Variants in SLC25A6 observed in about 807,000 individuals in gnomAD.
The protein encoded by SLC25A6 is solute carrier family 25 member 6, also known as ADP/ATP translocase 3.
Under a neutral mutation model 25.7 loss-of-function variants are expected in SLC25A6, and 9 were observed. The ratio of observed to expected loss-of-function variants is 0.35; its 90% CI spans 0.21 to 0.61. The LOEUF is 0.61. Among genes scored for constraint, SLC25A6 ranks in the 20% least tolerant of loss-of-function variants. The pLI, the probability that SLC25A6 is intolerant of heterozygous loss-of-function variation, is 0.76. For missense variants in SLC25A6, 404 were observed against 440.5 expected (o/e 0.92, Z 0.74); for synonymous variants, 223 against 197.0 (o/e 1.13, Z -1.11).
At position 1,387,419 on chromosome X, in the gene SLC25A6, C is replaced by T. The variant is rs749682632; in HGVS notation, c.599G>A (p.Gly200Asp). 6 of 1,612,438 alleles carry T rather than the reference C, an allele frequency of 3.7e-6. No homozygotes were observed. The South Asian group carries it at 6.6e-5, about 18-fold the overall frequency. ...AYFGVYDTAKGMLPDPKNTHI... is the reference protein window; with the variant it reads ...AYFGVYDTAKDMLPDPKNTHI... Reference sequence around the variant, plus strand: ...CGTGTTCTTGGGGTCGGGGAGCATGCCTGCGCGGGAACGGCACGTCACCGT... The same window carrying T: ...CGTGTTCTTGGGGTCGGGGAGCATGTCTGCGCGGGAACGGCACGTCACCGT... The change falls in exon 3 of 4, where the codon GGC becomes GAC. Residue 200 changes from glycine (G) to aspartate (D), a missense_variant and splice_region_variant. Gly to Asp is a moderately conservative substitution (Grantham distance 94). Coordinates refer to ENST00000381401, the MANE Select transcript of SLC25A6 (RefSeq NM_001636.4).
intron 1 of SLC25A6, among the ~76,000 whole-genome samples, chrX:1,391,082 G>A (rs1411188387): frequency 6.6e-6 from 1 of 152,246 alleles, no homozygotes; most frequent in Non-Finnish European, 1.5e-5. Flanking sequence ...CTGAGCTCAC[G>A]CGATCCTCTC....
chrX:1,391,032 G>C (rs1384601974), intron 1 of SLC25A6, among the ~76,000 whole-genome samples: 6 of 152,198 alleles, frequency 3.9e-5, no homozygotes, highest in Non-Finnish European at 8.8e-5. Flanking sequence ...TTATCTTAGA[G>C]ATGCGGTCTT....
chrX:1,391,192 T>C (rs2089404418), intron 1 of SLC25A6, among the ~76,000 whole-genome samples: 1 of 152,038 alleles, frequency 6.6e-6, no homozygotes, highest in African/African-American at 2.4e-5. Flanking sequence ...CTCAAACTCC[T>C]GGCCTCAAGC....
At chrX:1,386,873 A>G (rs1436310272) in intron 3 of SLC25A6, 114 bp from the exon 4 acceptor site, 5 of 1,271,830 alleles carry the variant, frequency 3.9e-6, no homozygotes, top group Non-Finnish European at 5.5e-6. Flanking sequence ...CCTGAGCCAC[A>G]GTTCTGATTA....
intron 1 of SLC25A6, among the ~76,000 whole-genome samples, chrX:1,390,540 T>C (rs1334933700): frequency 1.3e-5 from 2 of 149,908 alleles, no homozygotes; most frequent in Non-Finnish European, 3.0e-5. Context: ...ATCGTGCCAC[T>C]GCACTCCAGC....
At chrX:1,391,878 C>T (rs1354722051) in intron 1 of SLC25A6, 21 bp downstream of exon 1, 2 of 1,560,220 alleles carry the variant, frequency 1.3e-6, no homozygotes, top group African/African-American at 1.4e-5. Flanking sequence ...GTCCCCGGAG[C>T]GGCCGCGCCC....
rs200188610 is a variant in SLC25A6, at chrX:1,386,580, T to A, written c.*22A>T. 141 of 1,525,248 alleles carry A rather than the reference T, an allele frequency of 9.2e-5. No individual in the cohort carries two copies. Among genetic ancestry groups the A allele is most frequent in the Admixed American group, 1.1e-4 (5 of 46,024 alleles). 94.5% of individuals were successfully genotyped at this position (1,525,248 alleles called of 1,614,324 possible). On this transcript the variant is annotated 3_prime_UTR_variant, in exon 4 of 4. Coordinates refer to ENST00000381401, the MANE Select transcript of SLC25A6 (RefSeq NM_001636.4). ...TCTTGGTTCCCCTGGTGTGTGTGTG[T>A]GTGTGGAGGAGGCCGCGGCCCTTAG...
Position 1,391,879 on chromosome X carries a change from G to A in SLC25A6, c.111+20C>T. ...GTTCCCGTCCCCTAGTCCCCGGAGC[G>A]GCCGCGCCCGCGTCCCCACCTGCAG... On this transcript the variant is annotated intron_variant, in intron 1 of 3. Coordinates refer to ENST00000381401, the MANE Select transcript of SLC25A6 (RefSeq NM_001636.4). The A allele has an allele frequency of 6.4e-7, 1 of 1,567,100 alleles. No individual in the cohort carries two copies. Among genetic ancestry groups the A allele is most frequent in the Non-Finnish European group, 8.7e-7 (1 of 1,155,686 alleles).
intron 3 of SLC25A6, 116 bp from the exon 4 acceptor site, chrX:1,386,875 T>C: frequency 7.9e-7 from 1 of 1,266,082 alleles, no homozygotes; most frequent in Non-Finnish European, 1.1e-6. Flanking sequence ...TGAGCCACAG[T>C]TCTGATTACA....
chrX:1,389,234 C>T lies in SLC25A6; in HGVS notation c.598+7G>A, dbSNP rs1425027977. On this transcript the variant is annotated splice_region_variant and intron_variant, in intron 2 of 3. Transcript: ENST00000381401. ...CTCTGGGACTTCGCGATGGCAGCCA[C>T]ACGTACCCTTGGCCGTATCGTACAC... 1 of 1,608,678 alleles carries T rather than the reference C, an allele frequency of 6.2e-7. No individual in the cohort carries two copies. Among genetic ancestry groups the T allele is most frequent in the Non-Finnish European group, 8.5e-7 (1 of 1,175,796 alleles).
chrX:1,391,420 G>A (rs2089408849), intron 1 of SLC25A6, among the ~76,000 whole-genome samples: 1 of 151,652 alleles, frequency 6.6e-6, no homozygotes, highest in Non-Finnish European at 1.5e-5. Context: ...AATGAGCTAA[G>A]AAGGGGGTAA....
intron 2 of SLC25A6, among the ~76,000 whole-genome samples, chrX:1,387,967 G>C (rs1437899993): frequency 6.6e-5 from 10 of 151,848 alleles, no homozygotes; most frequent in African/African-American, 2.4e-4. Flanking sequence ...AAAAAGAGAG[G>C]CCTCAGAAGG....
rs781456551 is a variant in SLC25A6, at chrX:1,389,699, G to T, written c.140C>A (p.Ala47Asp). The change falls in exon 2 of 4, where the codon GCC (alanine) becomes GAC (aspartate). Residue 47 changes from alanine to aspartate, a missense_variant. Physicochemically the swap from Ala to Asp is moderately radical, Grantham distance 126. Coordinates refer to ENST00000381401, the MANE Select transcript of SLC25A6 (RefSeq NM_001636.4). Reference protein sequence around the residue: ...QVQHASKQIAADKQYKGIVDC... With the variant: ...QVQHASKQIADDKQYKGIVDC... ...CACGATGCCCTTGTACTGCTTGTCG[G>T]CGGCGATCTGCTTGCTGGCGTGCTG... 6.2e-7 allele frequency: 1 copy of T among 1,613,018 alleles called. No homozygotes were observed. Among genetic ancestry groups the T allele is most frequent in the Middle Eastern group, 1.8e-4 (1 of 5,678 alleles).
intron 1 of SLC25A6, among the ~76,000 whole-genome samples, chrX:1,390,510 G>A (rs1197775537): frequency 1.3e-5 from 2 of 151,908 alleles, no homozygotes; most frequent in Non-Finnish European, 2.9e-5. Context: ...CCCAGGAGGC[G>A]GAGGCTACAG....
At chrX:1,390,995 A>G (rs1480356116) in intron 1 of SLC25A6, among the ~76,000 whole-genome samples, 1 of 151,292 alleles carries the variant, frequency 6.6e-6, no homozygotes, top group Non-Finnish European at 1.5e-5. Flanking sequence ...CTCCCGGGAC[A>G]CGCCACCCTG....
At chrX:1,390,190 A>G (rs1362029307) in intron 1 of SLC25A6, 1 of 185,502 alleles carries the variant, frequency 5.4e-6, no homozygotes, top group Non-Finnish European at 1.1e-5. Context: ...TTGAAAAATT[A>G]CTTTTAGAGA....
intron 1 of SLC25A6, 96 bp from the exon 2 acceptor site, chrX:1,389,823 CTT>C: frequency 6.5e-7 from 1 of 1,544,536 alleles, no homozygotes; most frequent in Non-Finnish European, 8.7e-7. Context: ...ACAAGTCACT[CTT>C]GTTGCCCAAG....
intron 1 of SLC25A6, among the ~76,000 whole-genome samples, chrX:1,391,012 G>A (rs1287191847): frequency 2.0e-5 from 3 of 151,774 alleles, no homozygotes; most frequent in Non-Finnish European, 4.4e-5. Flanking sequence ...CCTGTACTAG[G>A]TTTAAAAAAT....
rs182807425 is a variant in SLC25A6, at chrX:1,387,932, A to G, written c.599-513T>C. The stretch of plus-strand genomic sequence containing the variant: ...CGGAGGGATGACCCTGTGAGGACAC[A>G]GGGAGAAGACGGTGTCTACAAGCCA... On this transcript the variant is annotated intron_variant, in intron 2 of 3. Transcript: ENST00000381401. Among the ~76,000 whole-genome samples the G allele has an allele frequency of 2.8e-3, 424 of 152,282 alleles. 3 individuals are homozygous for G. Among genetic ancestry groups the G allele is most frequent in the African/African-American group, 0.01 (416 of 41,548 alleles).
Sources: gnomAD v4.1 joint callset for allele counts (sites outside exome capture counted in the v4.1 genomes callset) on GRCh38, gnomAD v4.1.1 for gene constraint, MANE v1.5 for transcripts, NCBI Gene and HGNC (gene_info 2026-07-23, HGNC 2026-07-21) for gene names.